SSH2: variants seen among roughly 807,000 people sequenced by gnomAD.
SSH2 encodes protein phosphatase Slingshot homolog 2.
Under a neutral mutation model 135.2 loss-of-function variants are expected in SSH2, and 37 were observed. That is an observed-to-expected ratio of 0.27 (90% CI 0.21 to 0.36). The LOEUF is 0.36. Ranked by LOEUF, SSH2 falls within the 10% of genes least tolerant of loss-of-function variation. SSH2 has a pLI of 1.00. For synonymous variants in SSH2, 628 were observed against 646.2 expected (o/e 0.97, Z 0.43); for missense variants, 1,408 against 1,765.3 (o/e 0.80, Z 3.63).
At chr17:29,671,279 AC>A (rs1194091735) in intron 9 of SSH2, among the ~76,000 whole-genome samples, 3 of 152,012 alleles carry the variant, frequency 2.0e-5, no homozygotes, top group Non-Finnish European at 4.4e-5. Context: ...GGAGTTTAAG[AC>A]CAGCCTGGGC....
chr17:29,774,253 T>C (rs2041648130), intron 3 of SSH2, among the ~76,000 whole-genome samples: 1 of 152,096 alleles, frequency 6.6e-6, no homozygotes. Flanking sequence ...AAATAACTTG[T>C]AGTGAACAAG....
rs535698386 is a variant in SSH2 at position 29,631,847 on chromosome 17, G to A, written c.3347C>T (p.Pro1116Leu). Residue 1116 changes from proline (P) to leucine (L), a missense_variant, in exon 16 of 16, where the codon CCC becomes CTC. Physicochemically the swap from Pro to Leu is moderately conservative, Grantham distance 98 (BLOSUM62 -3). Transcript: ENST00000540801. ...CAGGATGGAGGTTGGATGGTCAGTG[G>A]GTCTGTTGTGCTCAGGGGAGGAAGA... Reference protein sequence around the residue: ...PHSSSPEHNRPTDHPTSILSS... With the variant: ...PHSSSPEHNRLTDHPTSILSS... The A allele has an allele frequency of 3.1e-6, 5 of 1,614,186 alleles. No individual in the cohort carries two copies. The highest frequency in any genetic ancestry group is 1.1e-5 in the South Asian group (1 of 91,084).
chr17:29,875,983 CAA>C (rs547629204), intron 1 of SSH2, among the ~76,000 whole-genome samples: 26 of 71,678 alleles, frequency 3.6e-4, no homozygotes, highest in Admixed American at 4.7e-4. Context: ...AAGAGGACAC[CAA>C]AAAAAAAAAA....
intron 5 of SSH2, among the ~76,000 whole-genome samples, chr17:29,688,291 G>A (rs992855093): frequency 1.3e-5 from 2 of 152,004 alleles, no homozygotes; most frequent in Admixed American, 6.6e-5. Flanking sequence ...TTACAGGTGC[G>A]AGCCACTACG....
intron 1 of SSH2, among the ~76,000 whole-genome samples, chr17:29,853,507 C>T (rs112104010): frequency 1.3e-5 from 2 of 151,922 alleles, no homozygotes; most frequent in African/African-American, 4.8e-5. Flanking sequence ...TGATCTTCCC[C>T]AGTTTGTAGT....
chr17:29,832,156 T>G (rs1441007106), intron 2 of SSH2, among the ~76,000 whole-genome samples: 1 of 152,232 alleles, frequency 6.6e-6, no homozygotes. Flanking sequence ...ATCTTCTGTT[T>G]TTTTTGACAT....
At chr17:29,751,232 A>G (rs1402440306) in intron 3 of SSH2, among the ~76,000 whole-genome samples, 2 of 152,192 alleles carry the variant, frequency 1.3e-5, no homozygotes, top group Non-Finnish European at 2.9e-5. Context: ...CCTGATCAAC[A>G]TAGTGAAACC....
At chr17:29,748,382 C>G (rs994256861) in intron 3 of SSH2, among the ~76,000 whole-genome samples, 1 of 152,152 alleles carries the variant, frequency 6.6e-6, no homozygotes, top group African/African-American at 2.4e-5. Context: ...AATTTGATCA[C>G]TTTCTTAAAA....
intron 1 of SSH2, among the ~76,000 whole-genome samples, chr17:29,876,660 A>G (rs1271651494): frequency 3.9e-5 from 6 of 152,100 alleles, no homozygotes; most frequent in African/African-American, 1.4e-4. Context: ...AAAACTGAAT[A>G]TCCATATGCA....
Position 29,797,723 on chromosome 17 carries a change from ACAGTCTCTAC to A in SSH2, c.145-3796_145-3787del, listed in dbSNP as rs550997631. Among the ~76,000 whole-genome samples, 4 of 152,196 alleles carry A rather than the reference ACAGTCTCTAC, an allele frequency of 2.6e-5. No homozygotes were observed. In the South Asian group the frequency reaches 8.3e-4, roughly 32 times the overall value. On this transcript the variant is annotated intron_variant, in intron 2 of 15. Coordinates refer to ENST00000540801, the MANE Select transcript of SSH2 (RefSeq NM_001282129.2). Reference sequence around the variant, plus strand: ...ACCAGCCTGGGCAAAATAGCAAGACACAGTCTCTACCAAAAAAATAAAATAGTTAGCCAGA... The same window carrying A: ...ACCAGCCTGGGCAAAATAGCAAGACACAAAAAAATAAAATAGTTAGCCAGA...
At chr17:29,685,846 C>A (rs1420346220) in intron 5 of SSH2, among the ~76,000 whole-genome samples, 2 of 148,892 alleles carry the variant, frequency 1.3e-5, no homozygotes, top group African/African-American at 4.9e-5. Flanking sequence ...TCTTTCTTTT[C>A]TTTTTCTTTT....
chr17:29,766,203 TA>T (rs1383099326), intron 3 of SSH2, among the ~76,000 whole-genome samples: 1 of 151,762 alleles, frequency 6.6e-6, no homozygotes, highest in Non-Finnish European at 1.5e-5. Context: ...GAATGAACAT[TA>T]AAATACCTGT....
intron 1 of SSH2, among the ~76,000 whole-genome samples, chr17:29,876,833 A>C (rs1180799356): frequency 1.3e-5 from 2 of 151,554 alleles, no homozygotes; most frequent in East Asian, 3.9e-4. Flanking sequence ...GTAATACCCC[A>C]CATGCACAGG....
At chr17:29,727,206 T>G (rs1035915774) in intron 3 of SSH2, among the ~76,000 whole-genome samples, 29 of 152,206 alleles carry the variant, frequency 1.9e-4, no homozygotes, top group Admixed American at 3.9e-4. Context: ...GAAACTACCA[T>G]TTTAAACCAA....
intron 3 of SSH2, chr17:29,775,881 C>G (rs1270824762): frequency 1.3e-5 from 2 of 152,158 alleles, no homozygotes; most frequent in African/African-American, 2.4e-5. Flanking sequence ...AGATATCAGG[C>G]CTAGCAGGAA....
intron 3 of SSH2, among the ~76,000 whole-genome samples, chr17:29,718,593 C>T (rs891604712): frequency 4.6e-5 from 7 of 151,856 alleles, no homozygotes; most frequent in African/African-American, 1.5e-4. Flanking sequence ...ATTAGCTGGG[C>T]GTGGTGGCAG....
chr17:29,885,026 T>C (rs1260228670), intron 1 of SSH2, among the ~76,000 whole-genome samples: 3 of 152,340 alleles, frequency 2.0e-5, no homozygotes, highest in Admixed American at 6.5e-5. Context: ...CTTATTCTGA[T>C]GCAATGTAAA....
chr17:29,737,986 G>T (rs1026554465), intron 3 of SSH2, among the ~76,000 whole-genome samples: 2 of 152,018 alleles, frequency 1.3e-5, no homozygotes, highest in African/African-American at 4.8e-5. Context: ...CAACGTGCAG[G>T]TTACATATGT....
intron 1 of SSH2, among the ~76,000 whole-genome samples, chr17:29,920,302 C>T (rs761999613): frequency 4.6e-5 from 7 of 152,208 alleles, no homozygotes; most frequent in Middle Eastern, 3.2e-3. Context: ...CACTTAAAGC[C>T]GGATAGGAAA....
Sources: allele counts gnomAD v4.1 joint callset (sites outside exome capture counted in the v4.1 genomes callset), GRCh38; gene constraint gnomAD v4.1.1; transcripts MANE v1.5; gene names NCBI Gene and HGNC (gene_info 2026-07-23, HGNC 2026-07-21).